MTNR1A: variants seen among roughly 807,000 people sequenced by gnomAD.
The protein encoded by MTNR1A is melatonin receptor 1A, also known as melatonin receptor type 1A.
Under a neutral mutation model 5.5 loss-of-function variants are expected in MTNR1A, and 7 were observed. The observed-to-expected ratio is 1.28, with a 90% CI of 0.73 to 2.40. MTNR1A has a LOEUF of 2.40. Among genes scored for constraint, MTNR1A ranks in the 30% most tolerant of loss-of-function variants. The pLI, the probability that MTNR1A is intolerant of heterozygous loss-of-function variation, is 0.00. For missense variants in MTNR1A, 441 were observed against 464.4 expected (o/e 0.95, Z 0.46); for synonymous variants, 196 against 202.7 (o/e 0.97, Z 0.28).
rs1737352348 is a variant in MTNR1A, at chr4:186,555,472, C to T, written c.-107G>A. Reference sequence around the variant, plus strand: ...CTCCCCGCGCCCACGCCCCATCCCGCGCGCTCCTCCACGCCGCGCCCCCGG... The same window carrying T: ...CTCCCCGCGCCCACGCCCCATCCCGTGCGCTCCTCCACGCCGCGCCCCCGG... On this transcript the variant is annotated 5_prime_UTR_variant, in exon 1 of 2. Coordinates refer to ENST00000307161, the MANE Select transcript of MTNR1A (RefSeq NM_005958.4). The surrounding 1 kb of genome is among the most constrained non-coding windows in gnomAD (Gnocchi z 4.1). 2 of 962,178 alleles carry T rather than the reference C, an allele frequency of 2.1e-6. No homozygotes were observed. Among genetic ancestry groups the T allele is most frequent in the Non-Finnish European group, 2.7e-6 (2 of 751,686 alleles). 59.6% of individuals were successfully genotyped at this position (962,178 alleles called of 1,614,324 possible).
At position 186,533,777 on chromosome 4, in the gene MTNR1A, T is replaced by G. The variant is rs1255535682; in HGVS notation, c.965A>C (p.Asp322Ala). ...SLCTARVFFVDSSNDVADRVK... is the reference protein window; with the variant it reads ...SLCTARVFFVASSNDVADRVK... ...CCTATCGGCCACGTCGTTAGAGCTGTCCACAAAGAACACCCTGGCTGTACA... is the reference window on the plus strand; with the variant it reads ...CCTATCGGCCACGTCGTTAGAGCTGGCCACAAAGAACACCCTGGCTGTACA... Residue 322 changes from aspartate (D) to alanine (A), a missense_variant, in exon 2 of 2, where the codon GAC becomes GCC. Physicochemically the swap from Asp to Ala is moderately radical, Grantham distance 126. Transcript: ENST00000307161. 6.2e-7 allele frequency: 1 copy of G among 1,614,214 alleles called. No homozygotes were observed.
At chr4:186,549,809 C>T (rs558726503) in intron 1 of MTNR1A, among the ~76,000 whole-genome samples, 1 of 152,254 alleles carries the variant, frequency 6.6e-6, no homozygotes, top group African/African-American at 2.4e-5. Context: ...ATTTACCAAC[C>T]ATTTACATTC....
Position 186,555,053 on chromosome 4 carries a change from C to G in MTNR1A, c.184+129G>C. ...CGGGCAGGCTGGAGAAGAGTCCTCTCTAACAGGAAAAATAACTCCAAGTCC... is the reference window on the plus strand; with the variant it reads ...CGGGCAGGCTGGAGAAGAGTCCTCTGTAACAGGAAAAATAACTCCAAGTCC... On this transcript the variant is annotated intron_variant, in intron 1 of 1. Coordinates refer to ENST00000307161, the MANE Select transcript of MTNR1A (RefSeq NM_005958.4). This position sits in a 1 kb window ranked among gnomAD's most constrained non-coding sequence, Gnocchi z 4.1. The G allele has an allele frequency of 1.8e-6, 2 of 1,107,986 alleles. No individual in the cohort carries two copies. Among genetic ancestry groups the G allele is most frequent in the Non-Finnish European group, 2.7e-6 (2 of 752,560 alleles). The allele number at this position is 1,107,986 out of a possible 1,614,324, so 68.6% of individuals were successfully genotyped here.
In MTNR1A at chr4:186,534,055, C is replaced by T. The variant is rs866093242; in HGVS notation, c.687G>A (p.Leu229=). 1 of 1,614,088 alleles carries T rather than the reference C, an allele frequency of 6.2e-7. No homozygotes were observed. Among genetic ancestry groups the T allele is most frequent in the South Asian group, 1.1e-5 (1 of 91,074 alleles). ...CAAAATTCCTGAAGTCCTGTGGTTT[C>T]AGTTTGGGTTTGCGGTCAGGTTTCA... ...QRVKPDRKPK[L]KPQDFRNFVT... Residue 229 remains leucine (L), a synonymous_variant, in exon 2 of 2, where the codon CTG becomes CTA. Transcript: ENST00000307161.
chr4:186,540,186 C>CG, intron 1 of MTNR1A, among the ~76,000 whole-genome samples: 1 of 152,136 alleles, frequency 6.6e-6, no homozygotes, highest in South Asian at 2.1e-4. Context: ...CCCTGTGATT[C>CG]AATTACCTCC....
In MTNR1A at chr4:186,555,178, C is replaced by T. The variant is rs1344640092; in HGVS notation, c.184+4G>A. On this transcript the variant is annotated splice_donor_region_variant and intron_variant, in intron 1 of 1. Transcript: ENST00000307161. This position sits in a 1 kb window ranked among gnomAD's most constrained non-coding sequence, Gnocchi z 4.1. ...TGGCCCAGGGGAGGCGGCGCGGGCC[C>T]TACCTGCGTTCCTGAGCTTCTTGTT... The T allele has an allele frequency of 2.5e-6, 4 of 1,589,550 alleles. No homozygotes were observed. Among genetic ancestry groups the T allele is most frequent in the Non-Finnish European group, 3.4e-6 (4 of 1,168,756 alleles).
At chr4:186,549,481 A>G (rs1187994148) in intron 1 of MTNR1A, among the ~76,000 whole-genome samples, 1 of 152,140 alleles carries the variant, frequency 6.6e-6, no homozygotes, top group African/African-American at 2.4e-5. Context: ...GCTATTTCAC[A>G]TGTGAACTAG....
In MTNR1A at chr4:186,547,392, G is replaced by A. The variant is rs111894213; in HGVS notation, c.184+7790C>T. Among the ~76,000 whole-genome samples, 346 of 147,372 alleles carry A rather than the reference G, an allele frequency of 2.3e-3. 3 individuals carry two copies. Among genetic ancestry groups the A allele is most frequent in the African/African-American group, 8.4e-3 (320 of 38,050 alleles). On this transcript the variant is annotated intron_variant, in intron 1 of 1. Coordinates refer to ENST00000307161, the MANE Select transcript of MTNR1A (RefSeq NM_005958.4). Reference sequence around the variant, plus strand: ...ACACTGTCCACACCACACCCTGTTCGTGGGACACACTGTCCTCACACCCTG... The same window carrying A: ...ACACTGTCCACACCACACCCTGTTCATGGGACACACTGTCCTCACACCCTG...
intron 1 of MTNR1A, among the ~76,000 whole-genome samples, chr4:186,546,004 G>A (rs1737130287): frequency 6.6e-6 from 1 of 152,156 alleles, no homozygotes; most frequent in African/African-American, 2.4e-5. Context: ...TGCACCATGA[G>A]TGTGGAAACA....
chr4:186,534,565 A>G lies in MTNR1A; in HGVS notation c.185-8T>C. On this transcript the variant is annotated splice_region_variant and splice_polypyrimidine_tract_variant and intron_variant, in intron 1 of 1. Transcript: ENST00000307161. ...TCACCACAAAGATGTTTCCTGAAAG[A>G]GAATCGTTTAGAAAATACAGTGAAT... The G allele has an allele frequency of 1.2e-6, 2 of 1,608,406 alleles. No homozygotes were observed. Among genetic ancestry groups the G allele is most frequent in the Non-Finnish European group, 1.7e-6 (2 of 1,179,972 alleles).
intron 1 of MTNR1A, among the ~76,000 whole-genome samples, chr4:186,538,069 C>T (rs927298874): frequency 6.6e-6 from 1 of 152,180 alleles, no homozygotes; most frequent in African/African-American, 2.4e-5. Flanking sequence ...GCTGGGAGTA[C>T]CTTCCTCAGA....
chr4:186,548,155 C>T (rs958791511), intron 1 of MTNR1A, among the ~76,000 whole-genome samples: 4 of 151,984 alleles, frequency 2.6e-5, no homozygotes, highest in Non-Finnish European at 5.9e-5. Flanking sequence ...AGTCTTTTTT[C>T]CCTTAGGCAC....
intron 1 of MTNR1A, among the ~76,000 whole-genome samples, chr4:186,542,489 T>A (rs1737047574): frequency 6.6e-6 from 1 of 152,130 alleles, no homozygotes; most frequent in Non-Finnish European, 1.5e-5. Context: ...AGGTTTCCCA[T>A]CTCAAAACAG....
Position 186,555,178 on chromosome 4 carries a change from C to G in MTNR1A, c.184+4G>C. 4 of 1,589,668 alleles carry G rather than the reference C, an allele frequency of 2.5e-6. No homozygotes were observed. The highest frequency in any genetic ancestry group is 3.4e-6 in the Non-Finnish European group (4 of 1,168,748). On this transcript the variant is annotated splice_donor_region_variant and intron_variant, in intron 1 of 1. Transcript: ENST00000307161. The surrounding 1 kb of genome is among the most constrained non-coding windows in gnomAD (Gnocchi z 4.1). ...TGGCCCAGGGGAGGCGGCGCGGGCC[C>G]TACCTGCGTTCCTGAGCTTCTTGTT...
chr4:186,551,267 C>CT (rs1737261697), intron 1 of MTNR1A, among the ~76,000 whole-genome samples: 1 of 152,140 alleles, frequency 6.6e-6, no homozygotes, highest in South Asian at 2.1e-4. Context: ...GGCCTTCTTG[C>CT]TGCAGAGAGA....
chr4:186,538,594 C>T (rs188760387), intron 1 of MTNR1A, among the ~76,000 whole-genome samples: 118 of 152,278 alleles, frequency 7.7e-4, no homozygotes, highest in African/African-American at 2.8e-3. Context: ...GCTTCCCCTG[C>T]GTCCCCTCCT....
intron 1 of MTNR1A, among the ~76,000 whole-genome samples, chr4:186,544,567 G>A (rs561269669): frequency 2.6e-5 from 4 of 152,270 alleles, no homozygotes; most frequent in African/African-American, 9.6e-5. Flanking sequence ...ATCTGACACT[G>A]TGCAAAGTGT....
chr4:186,543,085 C>A (rs537296549), intron 1 of MTNR1A, among the ~76,000 whole-genome samples: 1 of 152,276 alleles, frequency 6.6e-6, no homozygotes, highest in African/African-American at 2.4e-5. Context: ...AGAGCAAGAT[C>A]CTGTCTCAAA....
intron 1 of MTNR1A, among the ~76,000 whole-genome samples, chr4:186,554,752 C>A (rs1017797853): frequency 2.0e-5 from 3 of 152,236 alleles, no homozygotes; most frequent in Admixed American, 2.0e-4. Context: ...AACAAGACCA[C>A]GGCGGCTGCT....
Sources: allele counts gnomAD v4.1 joint callset (sites outside exome capture counted in the v4.1 genomes callset), GRCh38; gene constraint gnomAD v4.1.1; non-coding constraint Gnocchi (gnomAD v3.1); transcripts MANE v1.5; gene names NCBI Gene and HGNC (gene_info 2026-07-23, HGNC 2026-07-21).